Variants in ATP8A2 observed in about 807,000 individuals in gnomAD.
ATP8A2 encodes the protein phospholipid-transporting ATPase IB.
Under a neutral mutation model 165.6 loss-of-function variants are expected in ATP8A2, and 100 were observed. That is an observed-to-expected ratio of 0.60 (90% CI 0.51 to 0.71). ATP8A2 has a LOEUF of 0.71. Among genes scored for constraint, ATP8A2 ranks in the 30% least tolerant of loss-of-function variants. The pLI, the probability that ATP8A2 is intolerant of heterozygous loss-of-function variation, is 0.00. For synonymous variants in ATP8A2, 543 were observed against 548.8 expected, an observed-to-expected ratio of 0.99 and a Z score of 0.15; for missense variants, 1,227 against 1,479.5, an observed-to-expected ratio of 0.83 and a Z score of 2.80.
chr13:25,507,261 GTGTA>G (rs71077472), intron 2 of ATP8A2, among the ~76,000 whole-genome samples: 56,462 of 107,822 alleles, frequency 0.52, 13,160 homozygotes, highest in Middle Eastern at 0.6. Context: ...GTGTGTGTGT[GTGTA>G]TTTTGTTGTT....
chr13:25,538,830 A>G (rs144127925), intron 7 of ATP8A2, among the ~76,000 whole-genome samples: 1 of 152,264 alleles, frequency 6.6e-6, no homozygotes, highest in Non-Finnish European at 1.5e-5. Context: ...TATTGAAGTT[A>G]ATCACTCATT....
In ATP8A2 at chr13:25,628,290, A is replaced by G. The variant is rs187185751; in HGVS notation, c.2211+38591A>G. On this transcript the variant is annotated intron_variant, in intron 24 of 36. Transcript: ENST00000381655. Reference sequence around the variant, plus strand: ...GGTCCATTGGGTCTGGGAGCCATTCATTCTCTTTAAGATAACATCACACAG... The same window carrying G: ...GGTCCATTGGGTCTGGGAGCCATTCGTTCTCTTTAAGATAACATCACACAG... Among the ~76,000 whole-genome samples, 84 of 152,272 alleles carry G rather than the reference A, an allele frequency of 5.5e-4. 1 individual carries two copies. The highest frequency in any genetic ancestry group is 1.5e-5 in the Non-Finnish European group (1 of 68,020).
chr13:25,413,274 C>CTTTTTT, intron 1 of ATP8A2, among the ~76,000 whole-genome samples: 1 of 124,058 alleles, frequency 8.1e-6, no homozygotes. Context: ...TTTTCTTTTT[C>CTTTTTT]TTTGTTTTTT....
chr13:25,725,352 T>G (rs2043469855), intron 25 of ATP8A2, among the ~76,000 whole-genome samples: 1 of 152,194 alleles, frequency 6.6e-6, no homozygotes, highest in Non-Finnish European at 1.5e-5. Context: ...GGGCTAGGAA[T>G]GGTGACAGGG....
At position 25,718,951 on chromosome 13, in the gene ATP8A2, C is replaced by T. The variant is rs75747431; in HGVS notation, c.2384+19606C>T. ...CCCTGTTGATGTGTAAGAACATACG[C>T]GTGCATGTGGGGACACCAGTGGCAT... On this transcript the variant is annotated intron_variant, in intron 25 of 36. Coordinates refer to ENST00000381655, the MANE Select transcript of ATP8A2 (RefSeq NM_016529.6). Among the ~76,000 whole-genome samples, 1,363 of 152,202 alleles carry T rather than the reference C, an allele frequency of 9.0e-3. 26 individuals are homozygous for T. Among genetic ancestry groups the T allele is most frequent in the African/African-American group, 0.03 (1,264 of 41,530 alleles).
chr13:25,483,671 C>A (rs2036271797), intron 2 of ATP8A2, among the ~76,000 whole-genome samples: 1 of 152,124 alleles, frequency 6.6e-6, no homozygotes, highest in South Asian at 2.1e-4. Flanking sequence ...GAGGCCAAGG[C>A]AGGAAGATTG....
At position 25,435,399 on chromosome 13, in the gene ATP8A2, G is replaced by A. The variant is rs141571669; in HGVS notation, c.77-33578G>A. 1.0e-2 allele frequency among the ~76,000 whole-genome samples: 1,520 copies of A among 152,190 alleles called. 9 individuals carry two copies. Among genetic ancestry groups the A allele is most frequent in the Non-Finnish European group, 0.014 (980 of 68,018 alleles). On this transcript the variant is annotated intron_variant, in intron 1 of 36. Transcript: ENST00000381655. ...CTCCCAAAGTCCTGAGATTACAGGCGTGAACCACCGCGCCCGGCTGGAAAT... is the reference window on the plus strand; with the variant it reads ...CTCCCAAAGTCCTGAGATTACAGGCATGAACCACCGCGCCCGGCTGGAAAT...
At chr13:25,688,960 A>G (rs1328198502) in intron 24 of ATP8A2, among the ~76,000 whole-genome samples, 2 of 152,144 alleles carry the variant, frequency 1.3e-5, no homozygotes, top group East Asian at 3.9e-4. Flanking sequence ...TTCCTTCACT[A>G]TTTCTCTTTC....
At chr13:25,787,037 C>T (rs1047293645) in intron 27 of ATP8A2, among the ~76,000 whole-genome samples, 1 of 152,238 alleles carries the variant, frequency 6.6e-6, no homozygotes, top group African/African-American at 2.4e-5. Flanking sequence ...CCTGCCTTGG[C>T]CTCCCAAAGT....
At chr13:25,602,912 A>G (rs1231263079) in intron 24 of ATP8A2, among the ~76,000 whole-genome samples, 1 of 152,098 alleles carries the variant, frequency 6.6e-6, no homozygotes. Flanking sequence ...TCAACTAAAA[A>G]TACAAAAAAA....
At chr13:25,660,042 A>T (rs1004228778) in intron 24 of ATP8A2, among the ~76,000 whole-genome samples, 2 of 152,224 alleles carry the variant, frequency 1.3e-5, no homozygotes, top group African/African-American at 4.8e-5. Flanking sequence ...TAAGAAAGGA[A>T]CAAAAAATCT....
intron 1 of ATP8A2, among the ~76,000 whole-genome samples, chr13:25,402,845 G>T (rs1203912055): frequency 6.6e-6 from 1 of 152,176 alleles, no homozygotes; most frequent in African/African-American, 2.4e-5. Flanking sequence ...ATAAGTAATA[G>T]AAATTTATTT....
At chr13:25,650,057 G>A (rs2041773502) in intron 24 of ATP8A2, among the ~76,000 whole-genome samples, 1 of 152,218 alleles carries the variant, frequency 6.6e-6, no homozygotes, top group Non-Finnish European at 1.5e-5. Flanking sequence ...CTGGATATTT[G>A]CTTTCGGGTT....
chr13:25,521,482 T>G (rs534253289), intron 2 of ATP8A2, among the ~76,000 whole-genome samples: 1 of 152,282 alleles, frequency 6.6e-6, no homozygotes, highest in South Asian at 2.1e-4. Flanking sequence ...TTCCCCAATG[T>G]TTTATTTTAG....
At chr13:25,623,326 T>G (rs571022844) in intron 24 of ATP8A2, among the ~76,000 whole-genome samples, 1 of 151,998 alleles carries the variant, frequency 6.6e-6, no homozygotes, top group East Asian at 1.9e-4. Context: ...AGCCCAGGAG[T>G]TTGAGGTTGT....
intron 24 of ATP8A2, among the ~76,000 whole-genome samples, chr13:25,591,859 CT>C (rs2040090019): frequency 6.6e-6 from 1 of 152,132 alleles, no homozygotes; most frequent in African/African-American, 2.4e-5. Flanking sequence ...ATACAAATAT[CT>C]TTTTGAGATC....
chr13:25,964,526 T>C (rs1566309330), intron 34 of ATP8A2, among the ~76,000 whole-genome samples: 1 of 152,244 alleles, frequency 6.6e-6, no homozygotes, highest in Non-Finnish European at 1.5e-5. Flanking sequence ...CACTGAGATT[T>C]CTCTTTCTGA....
At chr13:25,859,485 A>G (rs926896272) in intron 30 of ATP8A2, among the ~76,000 whole-genome samples, 17 of 152,124 alleles carry the variant, frequency 1.1e-4, no homozygotes, top group African/African-American at 3.4e-4. Flanking sequence ...TTCTCTGTGC[A>G]GGTGTAGCGG....
intron 2 of ATP8A2, among the ~76,000 whole-genome samples, chr13:25,491,468 T>G (rs2036525790): frequency 6.6e-6 from 1 of 152,166 alleles, no homozygotes; most frequent in African/African-American, 2.4e-5. Flanking sequence ...CCTCAAGTGA[T>G]CCTTCCAGCA....
Sources: allele counts gnomAD v4.1 joint callset (sites outside exome capture counted in the v4.1 genomes callset), GRCh38; gene constraint gnomAD v4.1.1; transcripts MANE v1.5; gene names NCBI Gene and HGNC (gene_info 2026-07-23, HGNC 2026-07-21).